SAMD5: variants seen among roughly 807,000 people sequenced by gnomAD.
SAMD5 encodes the protein sterile alpha motif domain containing 5.
Under a neutral mutation model 11.3 loss-of-function variants are expected in SAMD5, and 13 were observed. The ratio of observed to expected loss-of-function variants is 1.15; its 90% CI spans 0.75 to 1.83. The LOEUF is 1.83. Ranked by LOEUF, SAMD5 falls within the 40% of genes most tolerant of loss-of-function variation. SAMD5 has a pLI of 0.00. For synonymous variants in SAMD5, 129 were observed against 111.3 expected, an observed-to-expected ratio of 1.16 and a Z score of -1.00; for missense variants, 255 against 239.1, an observed-to-expected ratio of 1.07 and a Z score of -0.44.
At chr6:147,912,181 G>A in the SAMD5 span, among the ~76,000 whole-genome samples, 1 of 151,954 alleles carries the variant, frequency 6.6e-6, no homozygotes, top group Non-Finnish European at 1.5e-5. Flanking sequence ...ACTCTAAGAA[G>A]CACAAATTTA....
intron 1 of SAMD5, among the ~76,000 whole-genome samples, chr6:147,554,804 A>T (rs1342276285): frequency 2.0e-5 from 3 of 152,196 alleles, no homozygotes; most frequent in Non-Finnish European, 4.4e-5. Context: ...TGGACGCTTG[A>T]TGCTGATTTT....
chr6:147,745,777 CTTT>C, the SAMD5 span, among the ~76,000 whole-genome samples: 8,300 of 133,164 alleles, frequency 0.062, 679 homozygotes, highest in African/African-American at 0.2. Context: ...TTCTTTCTTT[CTTT>C]TTTTTTTTTT....
chr6:147,685,358 G>T (rs775305566), intron 1 of SAMD5, among the ~76,000 whole-genome samples: 6 of 152,054 alleles, frequency 3.9e-5, no homozygotes, highest in Non-Finnish European at 8.8e-5. Flanking sequence ...ATTTTTAGTA[G>T]AGACAGGATT....
chr6:147,948,541 G>A, the SAMD5 span, among the ~76,000 whole-genome samples: 1 of 152,104 alleles, frequency 6.6e-6, no homozygotes, highest in Non-Finnish European at 1.5e-5. Flanking sequence ...TAAAAGCATT[G>A]AATTTGGTTT....
the SAMD5 span, among the ~76,000 whole-genome samples, chr6:147,946,508 T>G: frequency 1.3e-5 from 2 of 152,228 alleles, no homozygotes; most frequent in African/African-American, 4.8e-5. Context: ...CTTCCAGCTG[T>G]GTTTCATGTT....
chr6:147,517,333 A>C (rs1788186306), intron 1 of SAMD5, among the ~76,000 whole-genome samples: 1 of 152,198 alleles, frequency 6.6e-6, no homozygotes. Flanking sequence ...AGGGAAAAAG[A>C]AACATTTGCC....
At chr6:147,597,494 T>A (rs1789550201) in intron 1 of SAMD5, among the ~76,000 whole-genome samples, 1 of 152,332 alleles carries the variant, frequency 6.6e-6, no homozygotes. Context: ...CTGTCGTGAA[T>A]TGATAACATT....
Position 147,509,219 on chromosome 6 carries a change from G to A in SAMD5, c.291G>A (p.Glu97=). 1.5e-6 allele frequency: 2 copies of A among 1,371,550 alleles called. No individual in the cohort carries two copies. The highest frequency in any genetic ancestry group is 3.1e-5 in the Admixed American group (1 of 32,130). 85.0% of individuals were successfully genotyped at this position (1,371,550 alleles called of 1,614,324 possible). Residue 97 remains glutamate, a synonymous_variant, in exon 1 of 2, where the codon GAG becomes GAA. Coordinates refer to ENST00000367474, the MANE Select transcript of SAMD5 (RefSeq NM_001030060.3). ...CCGTCCCCACCGGCCGCCGGGGGGA[G>A]CCGTGCGGCGGCCCGGCCCAGGGCA... ...ADAVPTGRRG[E]PCGGPAQGTR...
At chr6:147,697,463 A>G (rs892253053) in intron 1 of SAMD5, among the ~76,000 whole-genome samples, 3 of 152,230 alleles carry the variant, frequency 2.0e-5, no homozygotes, top group African/African-American at 7.2e-5. Flanking sequence ...CACATAACAA[A>G]ATTACAGCAA....
chr6:147,688,776 T>G (rs1339243117), intron 1 of SAMD5, among the ~76,000 whole-genome samples: 1 of 152,222 alleles, frequency 6.6e-6, no homozygotes, highest in Admixed American at 6.5e-5. Flanking sequence ...CCCCAACACT[T>G]AAAATGGAAA....
chr6:147,865,694 G>A, the SAMD5 span, among the ~76,000 whole-genome samples: 7 of 152,222 alleles, frequency 4.6e-5, no homozygotes, highest in South Asian at 1.0e-3. Flanking sequence ...AACTGAGGAC[G>A]ATTATTATGA....
the SAMD5 span, among the ~76,000 whole-genome samples, chr6:147,870,482 G>A: frequency 0.56 from 74,704 of 134,528 alleles, 21,480 homozygotes; most frequent in Non-Finnish European, 0.65. Context: ...GTGTGTGTGT[G>A]TATATATATA....
Position 147,565,012 on chromosome 6 carries a change from GC to G in SAMD5, c.*557del. Reference sequence around the variant, plus strand: ...GGTGAAGGAATTCTTATTTTAAGGTGCTTTTATATAGTTATTTTGTATATTG... The same window carrying G: ...GGTGAAGGAATTCTTATTTTAAGGTGTTTTATATAGTTATTTTGTATATTG... On this transcript the variant is annotated 3_prime_UTR_variant, in exon 2 of 2. Transcript: ENST00000367474. 3.3e-6 allele frequency: 3 copies of G among 911,006 alleles called. No individual in the cohort carries two copies. Among genetic ancestry groups the G allele is most frequent in the African/African-American group, 1.8e-5 (1 of 55,594 alleles). The allele number at this position is 911,006 out of a possible 1,614,324, so 56.4% of individuals were successfully genotyped here. A position where few individuals can be genotyped will look rare whatever the true frequency, so the allele number is the denominator to read the frequency against.
At chr6:147,904,530 G>T in the SAMD5 span, among the ~76,000 whole-genome samples, 40 of 152,190 alleles carry the variant, frequency 2.6e-4, no homozygotes, top group African/African-American at 8.9e-4. Context: ...TTACAGTGTG[G>T]GTCTGTTTGT....
chr6:147,713,355 G>C (rs887869394), intron 1 of SAMD5, among the ~76,000 whole-genome samples: 1 of 152,146 alleles, frequency 6.6e-6, no homozygotes, highest in Non-Finnish European at 1.5e-5. Context: ...TATATACCCT[G>C]GGTTCCACTT....
intron 1 of SAMD5, among the ~76,000 whole-genome samples, chr6:147,603,376 G>A (rs919225737): frequency 2.0e-5 from 3 of 152,162 alleles, no homozygotes; most frequent in Admixed American, 1.3e-4. Context: ...GATGAACAGA[G>A]AGATCCTTTT....
At chr6:147,558,476 CAG>C (rs1467337750) in intron 1 of SAMD5, among the ~76,000 whole-genome samples, 4 of 152,140 alleles carry the variant, frequency 2.6e-5, no homozygotes, top group Non-Finnish European at 5.9e-5. Context: ...AATCACAAGA[CAG>C]AGGAAAAATC....
intron 1 of SAMD5, among the ~76,000 whole-genome samples, chr6:147,672,564 G>C (rs1562348335): frequency 6.6e-6 from 1 of 152,012 alleles, no homozygotes; most frequent in Non-Finnish European, 1.5e-5. Flanking sequence ...TTTTTATCCA[G>C]GAAATGTTTA....
chr6:147,713,253 A>T (rs554753504), intron 1 of SAMD5, among the ~76,000 whole-genome samples: 4 of 152,306 alleles, frequency 2.6e-5, no homozygotes, highest in African/African-American at 9.6e-5. Flanking sequence ...GAAGAAAACA[A>T]AGGATGCAAA....
Sources: allele counts gnomAD v4.1 joint callset (sites outside exome capture counted in the v4.1 genomes callset), GRCh38; gene constraint gnomAD v4.1.1; transcripts MANE v1.5; gene names NCBI Gene and HGNC (gene_info 2026-07-23, HGNC 2026-07-21).